Variants in GNA14 observed in about 807,000 individuals in gnomAD.
GNA14 encodes G protein subunit alpha 14, also known as guanine nucleotide-binding protein subunit alpha-14.
GNA14 carries 50 observed loss-of-function variants against 42.0 expected under a neutral mutation model. The observed-to-expected ratio is 1.19, with a 90% CI of 0.95 to 1.51. The LOEUF is 1.51. Among genes scored for constraint, GNA14 ranks in the 40% most tolerant of loss-of-function variants. The pLI is 0.00. For synonymous variants in GNA14, 173 were observed against 163.1 expected (o/e 1.06, Z -0.46); for missense variants, 473 against 446.2 (o/e 1.06, Z -0.54).
intron 1 of GNA14, among the ~76,000 whole-genome samples, chr9:77,642,031 CA>C (rs112679683): frequency 4.4e-4 from 66 of 150,398 alleles, no homozygotes; most frequent in Non-Finnish European, 6.5e-4. Flanking sequence ...AGTAAACAAA[CA>C]AAAAAAAAGA....
At chr9:77,630,115 T>G (rs749918502) in intron 1 of GNA14, among the ~76,000 whole-genome samples, 11 of 78,566 alleles carry the variant, frequency 1.4e-4, no homozygotes, top group African/African-American at 7.2e-4. Context: ...GTTTTTTGTT[T>G]TTTTTTTTTT....
rs28538204 is a variant in GNA14, at chr9:77,506,175, G to T, written c.309+22894C>A. 8.8e-3 allele frequency among the ~76,000 whole-genome samples: 1,333 copies of T among 151,812 alleles called. 26 individuals carry two copies. Among genetic ancestry groups the T allele is most frequent in the African/African-American group, 0.03 (1,256 of 41,388 alleles). ...TGCATGCCTGTAGTACTACCTACTT[G>T]GGAGGCTGAGGTGGGAGGATTGCTT... On this transcript the variant is annotated intron_variant, in intron 2 of 6. Transcript: ENST00000341700.
chr9:77,438,201 G>A (rs770022803), intron 2 of GNA14, among the ~76,000 whole-genome samples: 1 of 152,100 alleles, frequency 6.6e-6, no homozygotes, highest in Non-Finnish European at 1.5e-5. Flanking sequence ...GGAGCAGACT[G>A]CACCTGAGAG....
intron 1 of GNA14, among the ~76,000 whole-genome samples, chr9:77,544,244 T>A (rs1319829501): frequency 6.6e-6 from 1 of 152,232 alleles, no homozygotes; most frequent in African/African-American, 2.4e-5. Context: ...AAATGCTTAT[T>A]AGGGACAAAA....
chr9:77,596,505 A>G (rs750286296), intron 1 of GNA14, among the ~76,000 whole-genome samples: 12 of 152,146 alleles, frequency 7.9e-5, no homozygotes, highest in Non-Finnish European at 1.8e-4. Context: ...TCCCTCCTGC[A>G]TCCCATAATA....
chr9:77,517,371 G>C (rs1053851798), intron 2 of GNA14: 1 of 151,638 alleles, frequency 6.6e-6, no homozygotes, highest in African/African-American at 2.4e-5. Context: ...GGAGCGAGGG[G>C]CCACCCATTA....
chr9:77,643,449 G>A (rs1280359803), intron 1 of GNA14, among the ~76,000 whole-genome samples: 1 of 152,056 alleles, frequency 6.6e-6, no homozygotes, highest in African/African-American at 2.4e-5. Context: ...ATGTTTGTCA[G>A]GCTGGTCTTG....
intron 2 of GNA14, among the ~76,000 whole-genome samples, chr9:77,513,833 G>A (rs566827929): frequency 1.3e-5 from 2 of 152,114 alleles, no homozygotes; most frequent in Admixed American, 1.3e-4. Flanking sequence ...AATACATTTT[G>A]GTCACCTTAT....
At chr9:77,508,933 A>AT (rs1456401404) in intron 2 of GNA14, among the ~76,000 whole-genome samples, 8 of 151,850 alleles carry the variant, frequency 5.3e-5, no homozygotes, top group South Asian at 2.1e-4. Flanking sequence ...TAGTGAGGGT[A>AT]TTTTTTTTGC....
Position 77,501,948 on chromosome 9 carries a change from C to T in GNA14, c.309+27121G>A, listed in dbSNP as rs534028314. On this transcript the variant is annotated intron_variant, in intron 2 of 6. Transcript: ENST00000341700. The stretch of plus-strand genomic sequence containing the variant: ...ATGGTCGATCTCTTGACTTCGTGAT[C>T]CACCTGCCTCAGCCTCCCAAAGTGC... Among the ~76,000 whole-genome samples the T allele has an allele frequency of 2.6e-5, 4 of 152,152 alleles. No individual in the cohort carries two copies. The East Asian group carries it at 7.8e-4, about 30-fold the overall frequency.
Position 77,564,349 on chromosome 9 carries a change from C to T in GNA14, c.125-35096G>A, listed in dbSNP as rs114413647. ...AAGAGACAAGGGATCTCTCTGTCGCCCAGGCTGGAGTGCAGTGTCAGGCTG... is the reference window on the plus strand; with the variant it reads ...AAGAGACAAGGGATCTCTCTGTCGCTCAGGCTGGAGTGCAGTGTCAGGCTG... On this transcript the variant is annotated intron_variant, in intron 1 of 6. Coordinates refer to ENST00000341700, the MANE Select transcript of GNA14 (RefSeq NM_004297.4). 4.8e-3 allele frequency among the ~76,000 whole-genome samples: 724 copies of T among 151,740 alleles called. 3 individuals are homozygous for T. The highest frequency in any genetic ancestry group is 0.017 in the African/African-American group (686 of 41,362).
chr9:77,426,761 C>G (rs888197453), intron 5 of GNA14, among the ~76,000 whole-genome samples: 1 of 152,212 alleles, frequency 6.6e-6, no homozygotes, highest in Non-Finnish European at 1.5e-5. Context: ...ACAAACAAAT[C>G]TTATCTGTGA....
chr9:77,483,003 T>C (rs1199057499), intron 2 of GNA14, among the ~76,000 whole-genome samples: 1 of 152,206 alleles, frequency 6.6e-6, no homozygotes, highest in African/African-American at 2.4e-5. Flanking sequence ...GGTTTGAATT[T>C]CCTTCTGTAG....
intron 1 of GNA14, among the ~76,000 whole-genome samples, chr9:77,551,938 G>A (rs767423339): frequency 3.2e-4 from 49 of 151,664 alleles, no homozygotes; most frequent in Non-Finnish European, 6.0e-4. Context: ...TCAGGAGTTC[G>A]AGACCAGCCT....
At chr9:77,468,693 C>G (rs947657633) in intron 2 of GNA14, among the ~76,000 whole-genome samples, 1 of 152,170 alleles carries the variant, frequency 6.6e-6, no homozygotes, top group African/African-American at 2.4e-5. Flanking sequence ...ATTGCTGCTG[C>G]GTGCTTCTCT....
chr9:77,535,297 G>GGGAGGC (rs367947182), intron 1 of GNA14, among the ~76,000 whole-genome samples: 76 of 152,320 alleles, frequency 5.0e-4, no homozygotes, highest in Non-Finnish European at 4.7e-4. Flanking sequence ...CCAGCACTTT[G>GGGAGGC]GGAGGCGGAG....
intron 2 of GNA14, among the ~76,000 whole-genome samples, chr9:77,486,391 T>G (rs1314939080): frequency 6.6e-6 from 1 of 152,238 alleles, no homozygotes; most frequent in Admixed American, 6.5e-5. Flanking sequence ...CTGTTTGATC[T>G]TCTATCCAGA....
intron 1 of GNA14, among the ~76,000 whole-genome samples, chr9:77,583,146 T>G (rs948436066): frequency 1.3e-5 from 2 of 152,196 alleles, no homozygotes; most frequent in African/African-American, 4.8e-5. Context: ...TATCTCTAAT[T>G]GGGCTAATTC....
At chr9:77,600,980 G>C (rs1823551212) in intron 1 of GNA14, among the ~76,000 whole-genome samples, 1 of 152,176 alleles carries the variant, frequency 6.6e-6, no homozygotes, top group Admixed American at 6.5e-5. Flanking sequence ...ACAGGAGGCG[G>C]ATAAGGAAAG....
Sources: gnomAD v4.1 joint callset for allele counts (sites outside exome capture counted in the v4.1 genomes callset) on GRCh38, gnomAD v4.1.1 for gene constraint, MANE v1.5 for transcripts, NCBI Gene and HGNC (gene_info 2026-07-23, HGNC 2026-07-21) for gene names.